Variants in CRYBG1 observed in about 807,000 individuals in gnomAD.
The protein encoded by CRYBG1 is crystallin beta-gamma domain containing 1, also known as beta/gamma crystallin domain-containing protein 1.
In CRYBG1, 139 loss-of-function variants were observed where a neutral mutation model predicts 189.2. The observed-to-expected ratio is 0.73, with a 90% CI of 0.64 to 0.85. The LOEUF is 0.85. Among genes scored for constraint, CRYBG1 ranks in the 40% least tolerant of loss-of-function variants. The pLI, the probability that CRYBG1 is intolerant of heterozygous loss-of-function variation, is 0.00. For synonymous variants in CRYBG1, 1,023 were observed against 1,017.1 expected, an observed-to-expected ratio of 1.01 and a Z score of -0.11; for missense variants, 2,611 against 2,675.8, an observed-to-expected ratio of 0.98 and a Z score of 0.53.
At position 106,568,730 on chromosome 6, in the gene CRYBG1, C is replaced by T. The variant is rs1037862481; in HGVS notation, c.*164C>T. 9 of 547,440 alleles carry T rather than the reference C, an allele frequency of 1.6e-5. No individual in the cohort carries two copies. The highest frequency in any genetic ancestry group is 2.6e-5 in the Non-Finnish European group (8 of 306,346). The allele number at this position is 547,440 out of a possible 1,614,324, so 33.9% of individuals were successfully genotyped here. A position where few individuals can be genotyped will look rare whatever the true frequency, so the allele number is the denominator to read the frequency against. ...GCCATGACTCAGAGAACTTACTCAT[C>T]GTTTCAAAAGACTATCATAGCTTTA... On this transcript the variant is annotated 3_prime_UTR_variant, in exon 22 of 22. Transcript: ENST00000633556.
At chr6:106,412,739 T>A (rs567486235) in intron 1 of CRYBG1, among the ~76,000 whole-genome samples, 2 of 152,280 alleles carry the variant, frequency 1.3e-5, no homozygotes, top group South Asian at 4.1e-4. Flanking sequence ...AGACAAAGAT[T>A]ATTATCCTTT....
intron 1 of CRYBG1, among the ~76,000 whole-genome samples, chr6:106,412,943 T>TAAA (rs565658964): frequency 7.6e-5 from 9 of 118,832 alleles, no homozygotes; most frequent in East Asian, 4.6e-4. Flanking sequence ...ACAAATTCTT[T>TAAA]AAAAAAAAAA....
chr6:106,497,945 A>G (rs1482082393), intron 2 of CRYBG1, among the ~76,000 whole-genome samples: 2 of 152,050 alleles, frequency 1.3e-5, no homozygotes, highest in Non-Finnish European at 2.9e-5. Context: ...ACAAAAAAAA[A>G]TTAAAAATAG....
chr6:106,453,711 C>T (rs9486351), intron 2 of CRYBG1, among the ~76,000 whole-genome samples: 88,463 of 152,142 alleles, frequency 0.58, 26,916 homozygotes, highest in African/African-American at 0.77. Flanking sequence ...AGGCAAAAAA[C>T]AAGTTCCTTG....
At chr6:106,435,930 C>A (rs1771444365) in intron 1 of CRYBG1, among the ~76,000 whole-genome samples, 1 of 152,026 alleles carries the variant, frequency 6.6e-6, no homozygotes, top group South Asian at 2.1e-4. Context: ...GTGAAGTATT[C>A]CAAGATCTAG....
chr6:106,430,507 C>G (rs577533910), intron 1 of CRYBG1, among the ~76,000 whole-genome samples: 30 of 152,210 alleles, frequency 2.0e-4, no homozygotes, highest in Non-Finnish European at 4.0e-4. Flanking sequence ...ATTTGGCGAA[C>G]TAAAATAATG....
At chr6:106,365,605 G>A (rs926744848) in intron 1 of CRYBG1, among the ~76,000 whole-genome samples, 5 of 150,336 alleles carry the variant, frequency 3.3e-5, no homozygotes, top group Middle Eastern at 3.2e-3. Flanking sequence ...TTGTTATTTT[G>A]ATTAGAAGTG....
At chr6:106,517,907 G>T (rs1377005584) in intron 3 of CRYBG1, among the ~76,000 whole-genome samples, 1 of 152,134 alleles carries the variant, frequency 6.6e-6, no homozygotes, top group Admixed American at 6.5e-5. Flanking sequence ...TCCACTGGGG[G>T]TAATTATACC....
At chr6:106,375,421 G>GTAAGTAAATAAATAAA (rs1369650803) in intron 1 of CRYBG1, among the ~76,000 whole-genome samples, 15 of 125,324 alleles carry the variant, frequency 1.2e-4, no homozygotes, top group African/African-American at 5.5e-4. Context: ...AAGTAAGTAA[G>GTAAGTAAATAAATAAA]TAAATAAATA....
chr6:106,519,286 C>G lies in CRYBG1; in HGVS notation c.2078C>G (p.Pro693Arg). The change falls in exon 4 of 22, where the codon CCA (proline) becomes CGA (arginine). Residue 693 changes from proline to arginine, a missense_variant. Transcript: ENST00000633556. ...GAAAACAAACGGACAAACAGTAGCC[C>G]AAGACACACTGACATTCGAGGCCAA... The part of the protein sequence containing the change: ...LFENKRTNSS[P>R]RHTDIRGQRN... The G allele has an allele frequency of 6.2e-7, 1 of 1,614,032 alleles. No individual in the cohort carries two copies. Among genetic ancestry groups the G allele is most frequent in the Non-Finnish European group, 8.5e-7 (1 of 1,180,006 alleles).
At position 106,451,790 on chromosome 6, in the gene CRYBG1, G is replaced by A; in HGVS notation, c.270G>A (p.Glu90=). Residue 90 remains glutamate (E), a synonymous_variant, in exon 2 of 22, where the codon GAG becomes GAA. Transcript: ENST00000633556. Reference sequence around the variant, plus strand: ...CCCAGTTCTTCCACACCACCAGTGAGGCGCTTGGTTCCTTACTTCTAGAGT... The same window carrying A: ...CCCAGTTCTTCCACACCACCAGTGAAGCGCTTGGTTCCTTACTTCTAGAGT... The part of the protein sequence containing the change: ...GESQFFHTTS[E]ALGSLLLESG... 2 of 1,535,044 alleles carry A rather than the reference G, an allele frequency of 1.3e-6. No homozygotes were observed. Among genetic ancestry groups the A allele is most frequent in the African/African-American group, 1.4e-5 (1 of 73,100 alleles).
In CRYBG1 at chr6:106,519,995, A is replaced by T; in HGVS notation, c.2787A>T (p.Gly929=). 1 of 1,614,132 alleles carries T rather than the reference A, an allele frequency of 6.2e-7. No homozygotes were observed. Among genetic ancestry groups the T allele is most frequent in the Non-Finnish European group, 8.5e-7 (1 of 1,180,022 alleles). ...NNEKMPLLEL[G]GETTPPLSTE... ...AGAAAATGCCACTTTTAGAACTTGG[A>T]GGAGAAACAACCCCTCCTTTGTCCA... The change falls in exon 4 of 22, where the codon GGA becomes GGT. Residue 929 remains glycine (G), a synonymous_variant. Transcript: ENST00000633556.
chr6:106,491,472 GC>G (rs1354479832), intron 2 of CRYBG1, among the ~76,000 whole-genome samples: 29 of 152,228 alleles, frequency 1.9e-4, no homozygotes, highest in African/African-American at 6.3e-4. Context: ...ATGGTTTGTG[GC>G]CATTTCCACT....
rs554967654 is a variant in CRYBG1, at chr6:106,539,378, CT to C, written c.4719-22del. ...AACAAATGATGAGTCGGCTCCCTTT[CT>C]TTCCTTCCATGGTGGCTATTTAGGT... On this transcript the variant is annotated intron_variant, in intron 8 of 21. Transcript: ENST00000633556. 105 of 1,611,278 alleles carry C rather than the reference CT, an allele frequency of 6.5e-5. No individual in the cohort carries two copies. In the African/African-American group the frequency reaches 1.4e-3, roughly 21 times the overall value.
At chr6:106,485,258 A>G (rs1387104363) in intron 2 of CRYBG1, among the ~76,000 whole-genome samples, 1 of 152,152 alleles carries the variant, frequency 6.6e-6, no homozygotes, top group African/African-American at 2.4e-5. Flanking sequence ...TGTAGCTATT[A>G]TAAACAGAAT....
intron 2 of CRYBG1, among the ~76,000 whole-genome samples, chr6:106,497,815 G>A (rs1772887631): frequency 1.3e-5 from 2 of 152,234 alleles, no homozygotes; most frequent in Admixed American, 1.3e-4. Context: ...CTGAGGCTGG[G>A]CGCAGTGGCT....
At chr6:106,523,126 G>A (rs1433057665) in intron 4 of CRYBG1, among the ~76,000 whole-genome samples, 1 of 148,164 alleles carries the variant, frequency 6.7e-6, no homozygotes, top group Non-Finnish European at 1.5e-5. Flanking sequence ...TTGAGACAGA[G>A]ATGAAAAAGG....
chr6:106,544,706 A>G lies in CRYBG1; in HGVS notation c.5166+9A>G. 1.2e-6 allele frequency: 2 copies of G among 1,612,130 alleles called. No homozygotes were observed. Among genetic ancestry groups the G allele is most frequent in the Non-Finnish European group, 1.7e-6 (2 of 1,179,346 alleles). ...TACGACCTATATTAGGTGTAAGTAA[A>G]GGACAAGCTAATGGCTAATACTTGG... is the stretch of plus-strand genomic sequence containing the variant. On this transcript the variant is annotated intron_variant, in intron 12 of 21. Transcript: ENST00000633556.
rs77082055 is a variant in CRYBG1 at position 106,539,383 on chromosome 6, C to T, written c.4719-20C>T. On this transcript the variant is annotated intron_variant, in intron 8 of 21. Transcript: ENST00000633556. Reference sequence around the variant, plus strand: ...ATGATGAGTCGGCTCCCTTTCTTTCCTTCCATGGTGGCTATTTAGGTGGCT... The same window carrying T: ...ATGATGAGTCGGCTCCCTTTCTTTCTTTCCATGGTGGCTATTTAGGTGGCT... The T allele has an allele frequency of 4.3e-3, 6,881 of 1,612,042 alleles. 249 individuals are homozygous for T. The African/African-American group carries it at 0.082, about 19-fold the overall frequency.
Sources: allele counts gnomAD v4.1 joint callset (sites outside exome capture counted in the v4.1 genomes callset), GRCh38; gene constraint gnomAD v4.1.1; transcripts MANE v1.5; gene names NCBI Gene and HGNC (gene_info 2026-07-23, HGNC 2026-07-21).